The following SPRY3 variants were observed in gnomAD, a reference collection of about 807,000 sequenced individuals.
SPRY3 encodes the protein sprouty RTK signaling antagonist 3.
A neutral mutation model predicts 20.2 loss-of-function variants in SPRY3; 15 were observed. That is an observed-to-expected ratio of 0.74 (90% confidence interval 0.50 to 1.14). The LOEUF (loss-of-function observed/expected upper bound fraction) is 1.14. Among genes scored for constraint, SPRY3 ranks in the 50% most tolerant of loss-of-function variants. SPRY3 has a pLI of 0.00. For missense variants in SPRY3, 364 were observed against 363.9 expected, an observed-to-expected ratio of 1.00 and a Z score of 0.00; for synonymous variants, 143 against 136.5, an observed-to-expected ratio of 1.05 and a Z score of -0.33.
chrX:155,673,182 T>G (rs1287384307), intron 2 of SPRY3, among the ~76,000 whole-genome samples: 2 of 105,282 alleles, frequency 1.9e-5, no homozygotes, highest in African/African-American at 6.9e-5. Context: ...ACCTGAACAT[T>G]GTGCACATGT....
chrX:155,749,602 G>A (rs2091249295), intron 2 of SPRY3, among the ~76,000 whole-genome samples: 1 of 151,878 alleles, frequency 6.6e-6, no homozygotes, highest in Non-Finnish European at 1.5e-5. Flanking sequence ...AAGGACACCA[G>A]TTTGGCTTCA....
exon 3 of SPRY3, chrX:155,768,039 G>C (rs1270217377): frequency 6.6e-6 from 1 of 152,240 alleles, no homozygotes; most frequent in African/African-American, 2.4e-5. Context: ...TCCGAAGAGA[G>C]GTGGAGAAAC....
intron 2 of SPRY3, among the ~76,000 whole-genome samples, chrX:155,687,943 G>A (rs2068092145): frequency 9.0e-6 from 1 of 111,114 alleles, no homozygotes; most frequent in African/African-American, 3.3e-5. Flanking sequence ...TTAAAGCCTG[G>A]TAAATGTGTG....
chrX:155,732,835 G>T (rs1183929413), intron 2 of SPRY3, among the ~76,000 whole-genome samples: 1 of 152,032 alleles, frequency 6.6e-6, no homozygotes, highest in Non-Finnish European at 1.5e-5. Context: ...ACGAGATCCT[G>T]TCATTTGCAA....
intron 2 of SPRY3, among the ~76,000 whole-genome samples, chrX:155,679,116 C>A (rs757494522): frequency 1.8e-5 from 2 of 111,257 alleles, no homozygotes; most frequent in Non-Finnish European, 3.8e-5. Flanking sequence ...TTGATGGGTG[C>A]AGCAAACCAC....
chrX:155,767,774 A>C (rs75079109), intron 2 of SPRY3, 188 bp from the exon 2 acceptor site: 7 of 88,360 alleles, frequency 7.9e-5, no homozygotes, highest in South Asian at 3.6e-4. Context: ...GAGGAGGAGA[A>C]AGAGGAGGAG....
intron 1 of SPRY3, among the ~76,000 whole-genome samples, chrX:155,651,988 A>G (rs1313820416): frequency 1.8e-5 from 2 of 111,809 alleles, no homozygotes; most frequent in African/African-American, 6.5e-5. Context: ...CAATCATGGC[A>G]GAAGGCAGAG....
At chrX:155,752,477 T>TA (rs1194812038) in intron 2 of SPRY3, among the ~76,000 whole-genome samples, 1 of 151,658 alleles carries the variant, frequency 6.6e-6, no homozygotes, top group African/African-American at 2.4e-5. Flanking sequence ...GGCAAAGTGA[T>TA]AAAAAAGTAA....
At chrX:155,661,915 T>C (rs781819964) in intron 2 of SPRY3, among the ~76,000 whole-genome samples, 9 of 112,124 alleles carry the variant, frequency 8.0e-5, no homozygotes, top group African/African-American at 2.9e-4. Context: ...ATTTTCTGTC[T>C]CTTTAGTAAA....
At chrX:155,678,799 T>C (rs2068065061) in intron 2 of SPRY3, among the ~76,000 whole-genome samples, 1 of 112,398 alleles carries the variant, frequency 8.9e-6, no homozygotes, top group Admixed American at 9.4e-5. Context: ...CATTTTATTT[T>C]CTCAGCAACG....
chrX:155,747,979 T>C (rs181669609), intron 2 of SPRY3, among the ~76,000 whole-genome samples: 1 of 152,088 alleles, frequency 6.6e-6, no homozygotes, highest in East Asian at 1.9e-4. Flanking sequence ...TATATACTTA[T>C]ACGATTTATA....
chrX:155,697,430 TG>T lies in SPRY3; in HGVS notation c.-282+40407del, dbSNP rs10710768. ...CATTTCTGGATATCCAGCTTGCAAA[TG>T]GAAGACTGTGAGACTTCTCAGCCTC... On this transcript the variant is annotated intron_variant, in intron 2 of 3. Transcript: ENST00000675360. Among the ~76,000 whole-genome samples the T allele has an allele frequency of 6.8e-3, 744 of 109,133 alleles. 6 individuals carry two copies. Among genetic ancestry groups the T allele is most frequent in the African/African-American group, 0.024 (707 of 29,754 alleles). The allele number at this position is 109,133 out of a possible 115,157, so 94.8% of individuals were successfully genotyped here.
intron 2 of SPRY3, among the ~76,000 whole-genome samples, chrX:155,687,184 G>T (rs669237): frequency 0.39 from 43,887 of 111,613 alleles, 8,270 homozygotes; most frequent in African/African-American, 0.75. Flanking sequence ...GAACTGAAAG[G>T]TTTTCCACAT....
At chrX:155,768,571 C>G (rs928825741) in intron 3 of SPRY3, among the ~76,000 whole-genome samples, 11 of 152,188 alleles carry the variant, frequency 7.2e-5, no homozygotes, top group Non-Finnish European at 1.5e-4. Flanking sequence ...GCTATTGGCT[C>G]ACAAGTCTGG....
At chrX:155,692,186 A>G (rs2068104693) in intron 2 of SPRY3, among the ~76,000 whole-genome samples, 1 of 109,321 alleles carries the variant, frequency 9.1e-6, no homozygotes, top group African/African-American at 3.5e-5. Context: ...GTACAGCTTT[A>G]TATTTTACAT....
chrX:155,778,996 C>T (rs752065426), downstream of SPRY3: 1 of 167,208 alleles, frequency 6.0e-6, no homozygotes, highest in African/African-American at 2.4e-5. Flanking sequence ...AAGCATGTCA[C>T]TGAGTTGGCC....
intron 1 of SPRY3, among the ~76,000 whole-genome samples, chrX:155,634,480 A>G (rs1158006521): frequency 9.0e-6 from 1 of 111,523 alleles, no homozygotes; most frequent in African/African-American, 3.3e-5. Flanking sequence ...TATACCATGG[A>G]ATTCATTTGA....
chrX:155,677,115 C>T (rs1193910768), intron 2 of SPRY3, among the ~76,000 whole-genome samples: 1 of 111,080 alleles, frequency 9.0e-6, no homozygotes, highest in African/African-American at 3.3e-5. Flanking sequence ...TGAGAAACAC[C>T]AACAAATCAA....
chrX:155,762,440 T>C (rs1028701185), intron 2 of SPRY3, among the ~76,000 whole-genome samples: 10 of 151,342 alleles, frequency 6.6e-5, no homozygotes, highest in Non-Finnish European at 1.2e-4. Context: ...AATTATATTG[T>C]AGAGAAAATA....
Sources: allele counts gnomAD v4.1 joint callset (sites outside exome capture counted in the v4.1 genomes callset), GRCh38; gene constraint gnomAD v4.1.1; transcripts MANE v1.5; gene names NCBI Gene and HGNC (gene_info 2026-07-23, HGNC 2026-07-21).